Variants in TBC1D12 observed in about 807,000 individuals in gnomAD.
TBC1D12 encodes the protein TBC1 domain family, member 12.
In TBC1D12, 56 loss-of-function variants were observed where a neutral mutation model predicts 86.7. The ratio of observed to expected loss-of-function variants is 0.65; its 90% CI spans 0.52 to 0.81. The LOEUF (loss-of-function observed/expected upper bound fraction) is 0.81, where lower values mean the gene tolerates loss of function less well. Ranked by LOEUF, TBC1D12 falls within the 30% of genes least tolerant of loss-of-function variation. The pLI is 0.00. For synonymous variants in TBC1D12, 421 were observed against 411.7 expected (o/e 1.02, Z -0.27); for missense variants, 1,023 against 1,038.8 (o/e 0.98, Z 0.21).
intron 1 of TBC1D12, among the ~76,000 whole-genome samples, chr10:94,414,318 A>C (rs1589600379): frequency 6.6e-6 from 1 of 152,334 alleles, no homozygotes; most frequent in African/African-American, 2.4e-5. Flanking sequence ...TAGTACGAGA[A>C]ACTATTAGAG....
chr10:94,495,731 T>TC (rs2056309466), intron 4 of TBC1D12, among the ~76,000 whole-genome samples: 1 of 152,136 alleles, frequency 6.6e-6, no homozygotes, highest in Admixed American at 6.5e-5. Flanking sequence ...TCATTTTTTT[T>TC]TTGTTGTTGG....
chr10:94,453,636 A>G (rs568452526), intron 2 of TBC1D12, among the ~76,000 whole-genome samples: 1 of 152,216 alleles, frequency 6.6e-6, no homozygotes, highest in South Asian at 2.1e-4. Flanking sequence ...ACTGTATTTT[A>G]CTTTTTATTT....
chr10:94,500,897 A>T (rs577062306), intron 6 of TBC1D12, among the ~76,000 whole-genome samples: 73 of 152,072 alleles, frequency 4.8e-4, no homozygotes, highest in African/African-American at 1.7e-3. Flanking sequence ...CTCTAGTAAA[A>T]ATACAAAAAT....
intron 2 of TBC1D12, 61 bp downstream of exon 2, chr10:94,442,080 TTC>T (rs919417165): frequency 8.0e-6 from 11 of 1,370,402 alleles, no homozygotes; most frequent in East Asian, 2.8e-5. Flanking sequence ...CTTCTTCTTC[TTC>T]TTTTTTTTTT....
chr10:94,403,420 TCAC>T lies in TBC1D12; in HGVS notation c.808_810del (p.His270del). On this transcript the variant is annotated inframe_deletion, in exon 1 of 13. Transcript: ENST00000225235. ...AGCCGCGCCTGGGCTTTTCTGACAT[TCAC>T]TTCAACTCTCGCAACACGTTCCAGG... is the stretch of plus-strand genomic sequence containing the variant. The T allele has an allele frequency of 7.7e-6, 12 of 1,549,424 alleles. No individual in the cohort carries two copies. Among genetic ancestry groups the T allele is most frequent in the Non-Finnish European group, 1.0e-5 (12 of 1,147,622 alleles).
In TBC1D12 at chr10:94,525,461, G is replaced by A. The variant is rs563864535; in HGVS notation, c.2000+3008G>A. Among the ~76,000 whole-genome samples, 6 of 151,764 alleles carry A rather than the reference G, an allele frequency of 4.0e-5. No individual in the cohort carries two copies. In the South Asian group the frequency reaches 6.2e-4, roughly 16 times the overall value. On this transcript the variant is annotated intron_variant, in intron 11 of 12. Transcript: ENST00000225235. ...ACCCTGTTTCTACTAAAAATACGCCGGATGTGGTGGCCTGTGCCTGTAGTC... is the reference window on the plus strand; with the variant it reads ...ACCCTGTTTCTACTAAAAATACGCCAGATGTGGTGGCCTGTGCCTGTAGTC...
intron 2 of TBC1D12, among the ~76,000 whole-genome samples, chr10:94,443,610 G>GAT (rs2055411250): frequency 1.3e-5 from 2 of 152,204 alleles, no homozygotes; most frequent in Admixed American, 1.3e-4. Context: ...GGCAAACAGT[G>GAT]ATATTCCACA....
chr10:94,463,812 G>A (rs2134126240), intron 2 of TBC1D12, among the ~76,000 whole-genome samples: 1 of 152,324 alleles, frequency 6.6e-6, no homozygotes, highest in East Asian at 1.9e-4. Flanking sequence ...GGTCATGTTA[G>A]ATGGTAGTGT....
intron 2 of TBC1D12, among the ~76,000 whole-genome samples, chr10:94,443,732 G>C (rs1297904157): frequency 1.3e-5 from 2 of 152,150 alleles, no homozygotes; most frequent in East Asian, 3.8e-4. Context: ...TTTTTTCTGA[G>C]GTTGCTGTGA....
chr10:94,487,477 A>T, intron 3 of TBC1D12, among the ~76,000 whole-genome samples: 1 of 148,222 alleles, frequency 6.7e-6, no homozygotes, highest in Non-Finnish European at 1.5e-5. Flanking sequence ...TTGTGTTGTC[A>T]TATTTTTTTT....
chr10:94,404,479 C>T (rs1438457510), intron 1 of TBC1D12, among the ~76,000 whole-genome samples: 1 of 151,344 alleles, frequency 6.6e-6, no homozygotes, highest in Non-Finnish European at 1.5e-5. Context: ...AACCCGGTTT[C>T]TACTAAAAAT....
intron 6 of TBC1D12, among the ~76,000 whole-genome samples, chr10:94,500,609 C>T (rs1226814523): frequency 1.3e-5 from 2 of 152,044 alleles, no homozygotes; most frequent in African/African-American, 4.8e-5. Context: ...TTCTACTTGG[C>T]AGTGGATAAT....
At position 94,497,083 on chromosome 10, in the gene TBC1D12, A is replaced by G; in HGVS notation, c.1323A>G (p.Arg441=). 8 of 1,570,426 alleles carry G rather than the reference A, an allele frequency of 5.1e-6. No homozygotes were observed. Among genetic ancestry groups the G allele is most frequent in the Non-Finnish European group, 6.9e-6 (8 of 1,165,046 alleles). The part of the protein sequence containing the change: ...REIKEAHKRK[R]IMKERFKQEE... ...TTAAGGAAGCACATAAAAGAAAAAGAATCATGAAAGAACGATTTAAGCAGG... is the reference window on the plus strand; with the variant it reads ...TTAAGGAAGCACATAAAAGAAAAAGGATCATGAAAGAACGATTTAAGCAGG... Residue 441 remains arginine, a synonymous_variant, in exon 5 of 13, where the codon AGA becomes AGG. Transcript: ENST00000225235.
chr10:94,488,673 T>A (rs566300811), intron 3 of TBC1D12, among the ~76,000 whole-genome samples: 3 of 151,840 alleles, frequency 2.0e-5, no homozygotes, highest in East Asian at 4.0e-4. Context: ...ATTACAGGTG[T>A]GAGCTACCGG....
intron 1 of TBC1D12, 93 bp from the exon 2 acceptor site, chr10:94,441,803 T>G: frequency 8.4e-6 from 11 of 1,312,880 alleles, no homozygotes; most frequent in Non-Finnish European, 1.2e-5. Context: ...AGTATTTTTG[T>G]TTTTGCCTTG....
chr10:94,481,146 G>A (rs992477709), intron 3 of TBC1D12, among the ~76,000 whole-genome samples: 1 of 150,504 alleles, frequency 6.6e-6, no homozygotes, highest in Non-Finnish European at 1.5e-5. Flanking sequence ...GCTTTATTGA[G>A]CACAGGTAGA....
chr10:94,459,020 T>C (rs1445980055), intron 2 of TBC1D12, among the ~76,000 whole-genome samples: 1 of 152,116 alleles, frequency 6.6e-6, no homozygotes, highest in Non-Finnish European at 1.5e-5. Flanking sequence ...TGGCCTGCTT[T>C]TATTTCTTTA....
chr10:94,402,952 G>GGGCTCC lies in TBC1D12; in HGVS notation c.340_345dup (p.Gly114_Ser115dup), dbSNP rs1297145885. The GGGCTCC allele has an allele frequency of 6.4e-7, 1 of 1,569,172 alleles. No individual in the cohort carries two copies. Among genetic ancestry groups the GGGCTCC allele is most frequent in the East Asian group, 2.5e-5 (1 of 40,290 alleles). On this transcript the variant is annotated inframe_insertion, in exon 1 of 13. Coordinates refer to ENST00000225235, the MANE Select transcript of TBC1D12 (RefSeq NM_015188.2). Reference sequence around the variant, plus strand: ...GATCGGACGCCTGCCTGCTGGGCTCGGGCTCCAAACACCGCGGCGCGGAGG... The same window carrying GGGCTCC: ...GATCGGACGCCTGCCTGCTGGGCTCGGGCTCCGGCTCCAAACACCGCGGCGCGGAGG...
chr10:94,469,259 T>G (rs1009995746), intron 2 of TBC1D12, among the ~76,000 whole-genome samples: 14 of 152,122 alleles, frequency 9.2e-5, no homozygotes, highest in African/African-American at 3.4e-4. Flanking sequence ...ATTCTGGTGG[T>G]GATAATGTGA....
Sources: allele counts gnomAD v4.1 joint callset (sites outside exome capture counted in the v4.1 genomes callset), GRCh38; gene constraint gnomAD v4.1.1; transcripts MANE v1.5; gene names NCBI Gene and HGNC (gene_info 2026-07-23, HGNC 2026-07-21).